The following PPIH variants were observed in gnomAD, a reference collection of about 807,000 sequenced individuals.
PPIH encodes the protein peptidylprolyl isomerase H.
In PPIH, 16 loss-of-function variants were observed where a neutral mutation model predicts 27.6. The ratio of observed to expected loss-of-function variants is 0.58; its 90% CI spans 0.39 to 0.88. PPIH has a LOEUF of 0.88. Ranked by LOEUF, PPIH falls within the 40% of genes least tolerant of loss-of-function variation. The pLI is 0.00. For synonymous variants in PPIH, 63 were observed against 76.1 expected, an observed-to-expected ratio of 0.83 and a Z score of 0.90; for missense variants, 155 against 224.1, an observed-to-expected ratio of 0.69 and a Z score of 1.97.
chr1:42,681,321 GC>G (rs1650011170), downstream of PPIH: 3 of 152,264 alleles, frequency 2.0e-5, no homozygotes, highest in South Asian at 6.2e-4. Flanking sequence ...TACCCTGTGC[GC>G]GGAAAGTCAG....
Position 42,666,058 on chromosome 1 carries a change from G to A in PPIH, c.415G>A (p.Val139Met). 1 of 1,614,098 alleles carries A rather than the reference G, an allele frequency of 6.2e-7. No homozygotes were observed. Among genetic ancestry groups the A allele is most frequent in the Non-Finnish European group, 8.5e-7 (1 of 1,179,928 alleles). ...GTGCGATTGGCTGGATGGGAAGCAT[G>A]TGGTGTTTGGTAAGTCCTACTCCTG... is the stretch of plus-strand genomic sequence containing the variant. ...SKCDWLDGKH[V>M]VFGKIIDGLL... is the part of the protein sequence containing the mutation. Residue 139 changes from valine (V) to methionine (M), a missense_variant, in exon 7 of 10, where the codon GTG becomes ATG. This residue lies in a region of PPIH where 96 missense variants were observed against 175.3 expected (regional missense o/e 0.55). Transcript: ENST00000304979.
intron 1 of PPIH, 52 bp downstream of exon 1, chr1:42,658,564 C>T: frequency 6.4e-7 from 1 of 1,567,352 alleles, no homozygotes; most frequent in Non-Finnish European, 8.8e-7. Context: ...CTGCTCGGGG[C>T]TAGGCAGGCA....
chr1:42,660,914 A>G lies in PPIH; in HGVS notation c.243+10A>G, dbSNP rs746162709. On this transcript the variant is annotated intron_variant, in intron 5 of 9. Coordinates refer to ENST00000304979, the MANE Select transcript of PPIH (RefSeq NM_006347.4). Reference sequence around the variant, plus strand: ...TGGAGATTTTGTTAATGTAAGTACTATTCCTTTCCTATCAAAGACCCGTAG... The same window carrying G: ...TGGAGATTTTGTTAATGTAAGTACTGTTCCTTTCCTATCAAAGACCCGTAG... 8.7e-6 allele frequency: 14 copies of G among 1,605,882 alleles called. No individual in the cohort carries two copies. Among genetic ancestry groups the G allele is most frequent in the African/African-American group, 4.0e-5 (3 of 74,662 alleles).
intron 5 of PPIH, 100 bp downstream of exon 5, chr1:42,661,004 G>C (rs1208633315): frequency 2.7e-6 from 3 of 1,096,400 alleles, no homozygotes; most frequent in East Asian, 4.8e-5. Context: ...CTTCAGGCTT[G>C]AGAACAATAG....
At chr1:42,675,530 T>G (rs1649837482) in intron 9 of PPIH, among the ~76,000 whole-genome samples, 1 of 152,234 alleles carries the variant, frequency 6.6e-6, no homozygotes, top group South Asian at 2.1e-4. Context: ...TGACAGAGCT[T>G]AGGTCCTGGC....
chr1:42,660,711 T>G, intron 4 of PPIH, 151 bp from the exon 5 acceptor site: 54 of 640,948 alleles, frequency 8.4e-5, no homozygotes, highest in Non-Finnish European at 1.0e-4. Flanking sequence ...ATTACAGGCG[T>G]GAGCTACCGC....
intron 9 of PPIH, among the ~76,000 whole-genome samples, chr1:42,668,120 G>A (rs1002159744): frequency 6.6e-6 from 1 of 152,146 alleles, no homozygotes; most frequent in Non-Finnish European, 1.5e-5. Context: ...TATGAGAAGA[G>A]TACAAGGGAG....
intron 9 of PPIH, among the ~76,000 whole-genome samples, chr1:42,674,196 C>T (rs879541775): frequency 3.3e-5 from 5 of 152,282 alleles, no homozygotes; most frequent in Admixed American, 2.6e-4. Flanking sequence ...CATAAATGCC[C>T]GGATCTTCCC....
intron 7 of PPIH, 140 bp downstream of exon 7, chr1:42,666,207 G>T: frequency 1.3e-6 from 1 of 794,112 alleles, no homozygotes. Context: ...AGAAATGGTG[G>T]GGAGGTGGGG....
intron 9 of PPIH, among the ~76,000 whole-genome samples, chr1:42,673,485 C>G (rs1466702696): frequency 6.6e-6 from 1 of 152,200 alleles, no homozygotes; most frequent in African/African-American, 2.4e-5. Context: ...ATCCTCAAAC[C>G]TGGTACCAGT....
downstream of PPIH, among the ~76,000 whole-genome samples, chr1:42,677,709 C>T (rs1196425229): frequency 2.6e-5 from 4 of 152,102 alleles, no homozygotes; most frequent in Non-Finnish European, 5.9e-5. Context: ...ACCTGTAGTC[C>T]TAACTGCTCA....
rs532392487 is a variant in PPIH at position 42,659,519 on chromosome 1, T to C, written c.156-3T>C. On this transcript the variant is annotated splice_polypyrimidine_tract_variant and splice_region_variant and intron_variant, in intron 3 of 9. Coordinates refer to ENST00000304979, the MANE Select transcript of PPIH (RefSeq NM_006347.4). Reference sequence around the variant, plus strand: ...CTCCAAGTCTCTTTCTTTTCGGTTATAGGAAAGATGGGGTTCCAATAGGAT... The same window carrying C: ...CTCCAAGTCTCTTTCTTTTCGGTTACAGGAAAGATGGGGTTCCAATAGGAT... 2.5e-6 allele frequency: 4 copies of C among 1,614,234 alleles called. No individual in the cohort carries two copies. The highest frequency in any genetic ancestry group is 2.2e-5 in the East Asian group (1 of 44,886).
chr1:42,681,281 A>T (rs1650010401), downstream of PPIH: 1 of 151,860 alleles, frequency 6.6e-6, no homozygotes, highest in Non-Finnish European at 1.5e-5. Context: ...ACTTGACTGC[A>T]TTTCCCGAGA....
At chr1:42,677,598 T>G (rs549186598), downstream of PPIH, among the ~76,000 whole-genome samples, 1 of 152,364 alleles carries the variant, frequency 6.6e-6, no homozygotes, top group South Asian at 2.1e-4. Flanking sequence ...CACTTCAGCG[T>G]GCAGAAGTTC....
At chr1:42,665,733 C>T (rs1434945617) in intron 6 of PPIH, among the ~76,000 whole-genome samples, 2 of 151,974 alleles carry the variant, frequency 1.3e-5, no homozygotes, top group East Asian at 3.9e-4. Context: ...ACCTGTAGTC[C>T]CATCTACTAG....
intron 5 of PPIH, among the ~76,000 whole-genome samples, chr1:42,662,674 C>T (rs972166436): frequency 6.6e-6 from 1 of 151,858 alleles, no homozygotes; most frequent in African/African-American, 2.4e-5. Context: ...TTTGTTTGTT[C>T]ATTTATTTTT....
At chr1:42,659,347 G>T in intron 3 of PPIH, 96 bp downstream of exon 3, 2 of 1,614,196 alleles carry the variant, frequency 1.2e-6, no homozygotes, top group African/African-American at 2.7e-5. Context: ...GGCCTTGAAT[G>T]ATTGCTGGTG....
downstream of PPIH, among the ~76,000 whole-genome samples, chr1:42,677,582 G>A (rs1649927901): frequency 2.0e-5 from 3 of 152,202 alleles, no homozygotes; most frequent in Non-Finnish European, 4.4e-5. Context: ...CCTGAGGTGG[G>A]AGAATCACTT....
At chr1:42,664,733 C>A (rs1570387829) in intron 5 of PPIH, 130 bp from the exon 6 acceptor site, 3 of 691,186 alleles carry the variant, frequency 4.3e-6, no homozygotes, top group East Asian at 5.9e-5. Context: ...ATAGGTGCAG[C>A]TTCCAAGATG....
Sources: gnomAD v4.1 joint callset for allele counts (sites outside exome capture counted in the v4.1 genomes callset) on GRCh38, gnomAD v4.1.1 for gene constraint, gnomAD v4.1.1 regional missense constraint, MANE v1.5 for transcripts, NCBI Gene and HGNC (gene_info 2026-07-23, HGNC 2026-07-21) for gene names.